NBEA: variants seen among roughly 807,000 people sequenced by gnomAD.
NBEA encodes lysosomal-trafficking regulator 2.
In NBEA, 44 loss-of-function variants were observed where a neutral mutation model predicts 343.4. The ratio of observed to expected loss-of-function variants is 0.13; its 90% CI spans 0.10 to 0.16. The LOEUF is 0.16. Among genes scored for constraint, NBEA ranks in the 10% least tolerant of loss-of-function variants. NBEA has a pLI of 1.00. For missense variants in NBEA, 2,555 were observed against 3,631.3 expected (o/e 0.70, Z 7.62); for synonymous variants, 1,175 against 1,238.7 (o/e 0.95, Z 1.08).
At chr13:34,963,734 A>G (rs112276325) in intron 1 of NBEA, among the ~76,000 whole-genome samples, 2,360 of 150,498 alleles carry the variant, frequency 0.016, 68 homozygotes, top group African/African-American at 0.055. Flanking sequence ...TTATTCTCAC[A>G]TGCCTTCATC....
At chr13:34,988,158 T>C (rs1452023840) in intron 1 of NBEA, among the ~76,000 whole-genome samples, 1 of 150,908 alleles carries the variant, frequency 6.6e-6, no homozygotes, top group Non-Finnish European at 1.5e-5. Flanking sequence ...TAATCTTTCC[T>C]CTGGAAGGTT....
chr13:35,026,550 A>C (rs1223169188), intron 1 of NBEA, among the ~76,000 whole-genome samples: 1 of 152,120 alleles, frequency 6.6e-6, no homozygotes, highest in Non-Finnish European at 1.5e-5. Context: ...GATGTATTTT[A>C]TTGGACTGCT....
chr13:35,215,560 T>G (rs1447979912), intron 33 of NBEA, among the ~76,000 whole-genome samples: 22 of 151,706 alleles, frequency 1.5e-4, no homozygotes, highest in Admixed American at 1.4e-3. Context: ...CAATTTTACC[T>G]CAATAAAACT....
intron 41 of NBEA, chr13:35,476,898 G>A: frequency 1.3e-6 from 1 of 767,828 alleles, no homozygotes; most frequent in Non-Finnish European, 1.6e-6. Flanking sequence ...GAAATCAAGA[G>A]GAATCTCTCA....
intron 27 of NBEA, among the ~76,000 whole-genome samples, chr13:35,174,300 A>T (rs1204404623): frequency 6.6e-6 from 1 of 152,144 alleles, no homozygotes; most frequent in East Asian, 1.9e-4. Flanking sequence ...CTTAAATGCT[A>T]CATTTTCTCA....
intron 36 of NBEA, among the ~76,000 whole-genome samples, chr13:35,343,432 A>G (rs1237980675): frequency 1.3e-5 from 2 of 152,116 alleles, no homozygotes; most frequent in African/African-American, 4.8e-5. Context: ...TCACCCAATC[A>G]TAGACAGTAC....
chr13:35,270,506 A>C (rs1428397972), intron 34 of NBEA, among the ~76,000 whole-genome samples: 1 of 152,202 alleles, frequency 6.6e-6, no homozygotes, highest in African/African-American at 2.4e-5. Context: ...ATGGAGGGCG[A>C]GCTGAACCAG....
rs531595035 is a variant in NBEA at position 35,363,587 on chromosome 13, C to G, written c.6179+11264C>G. Among the ~76,000 whole-genome samples the G allele has an allele frequency of 2.6e-5, 4 of 151,964 alleles. No individual in the cohort carries two copies. The East Asian group carries it at 7.7e-4, about 29-fold the overall frequency. The stretch of plus-strand genomic sequence containing the variant: ...TATCTTTTGAGAAGATAAGGGAATT[C>G]TCAGGTCTCCTGAATTCAAGATCCT... On this transcript the variant is annotated intron_variant, in intron 38 of 58. Coordinates refer to ENST00000379939, the MANE Select transcript of NBEA (RefSeq NM_001385012.1).
chr13:35,553,190 C>G (rs895049154), intron 43 of NBEA, among the ~76,000 whole-genome samples: 6 of 152,128 alleles, frequency 3.9e-5, no homozygotes, highest in African/African-American at 1.4e-4. Flanking sequence ...CCATGCCCAG[C>G]TGGAAGATGA....
chr13:35,032,594 G>A (rs1359168124), intron 1 of NBEA, among the ~76,000 whole-genome samples: 1 of 151,596 alleles, frequency 6.6e-6, no homozygotes, highest in East Asian at 1.9e-4. Context: ...TCTGTAGGTT[G>A]TCTCTTTACT....
At chr13:35,440,636 G>C (rs145592699) in intron 39 of NBEA, among the ~76,000 whole-genome samples, 1 of 152,186 alleles carries the variant, frequency 6.6e-6, no homozygotes, top group Admixed American at 6.5e-5. Flanking sequence ...ACACAGGATA[G>C]TGTGGGGAAA....
intron 41 of NBEA, chr13:35,476,153 C>T: frequency 1.2e-6 from 2 of 1,613,252 alleles, no homozygotes; most frequent in South Asian, 2.2e-5. Context: ...GGGCAGAGAT[C>T]CGGATTGTAC....
intron 38 of NBEA, among the ~76,000 whole-genome samples, chr13:35,394,307 C>G (rs2152901933): frequency 6.6e-6 from 1 of 152,240 alleles, no homozygotes. Flanking sequence ...AGGGAAAGTG[C>G]ATTTTGTAAT....
At chr13:35,334,589 C>A (rs1483355372) in intron 36 of NBEA, among the ~76,000 whole-genome samples, 5 of 152,144 alleles carry the variant, frequency 3.3e-5, no homozygotes, top group Admixed American at 6.6e-5. Context: ...TTTTGGTTTG[C>A]ATTTCTCTGA....
At chr13:35,177,207 T>C (rs1468036538) in intron 28 of NBEA, 104 bp downstream of exon 28, 17 of 823,986 alleles carry the variant, frequency 2.1e-5, no homozygotes, top group Non-Finnish European at 2.9e-5. Context: ...TTCCCTAGTA[T>C]CTGGGATTGT....
chr13:35,275,573 C>T (rs1347012285), intron 34 of NBEA, among the ~76,000 whole-genome samples: 1 of 152,144 alleles, frequency 6.6e-6, no homozygotes, highest in South Asian at 2.1e-4. Flanking sequence ...AGGCAACCTA[C>T]AGAATGGGAG....
intron 43 of NBEA, among the ~76,000 whole-genome samples, chr13:35,551,320 A>G (rs1453190537): frequency 6.6e-6 from 1 of 152,190 alleles, no homozygotes; most frequent in Non-Finnish European, 1.5e-5. Flanking sequence ...TTAAAATCTT[A>G]CAGGAAACAT....
At chr13:35,346,129 C>T (rs1207844479) in intron 36 of NBEA, among the ~76,000 whole-genome samples, 1 of 152,096 alleles carries the variant, frequency 6.6e-6, no homozygotes, top group East Asian at 1.9e-4. Context: ...AGCCTCCACC[C>T]CCACAGCCAT....
chr13:35,539,832 C>A (rs1378355393), intron 41 of NBEA, among the ~76,000 whole-genome samples: 4 of 139,174 alleles, frequency 2.9e-5, no homozygotes, highest in African/African-American at 1.1e-4. Context: ...AGGAGAATGG[C>A]GTGAACCCGG....
Sources: gnomAD v4.1 joint callset for allele counts (sites outside exome capture counted in the v4.1 genomes callset) on GRCh38, gnomAD v4.1.1 for gene constraint, MANE v1.5 for transcripts, NCBI Gene and HGNC (gene_info 2026-07-23, HGNC 2026-07-21) for gene names.